PTPRU: variants seen among roughly 807,000 people sequenced by gnomAD.
The protein encoded by PTPRU is receptor-type tyrosine-protein phosphatase U.
A neutral mutation model predicts 166.3 loss-of-function variants in PTPRU; 69 were observed. That is an observed-to-expected ratio of 0.41 (90% CI 0.34 to 0.51). PTPRU has a LOEUF of 0.51. PTPRU is among the 20% of genes least tolerant of loss of function. PTPRU has a pLI of 0.09. For synonymous variants in PTPRU, 793 were observed against 814.0 expected (o/e 0.97, Z 0.44); for missense variants, 1,657 against 2,013.7 (o/e 0.82, Z 3.39).
intron 1 of PTPRU, among the ~76,000 whole-genome samples, chr1:29,249,414 G>C (rs922770965): frequency 6.6e-6 from 1 of 152,230 alleles, no homozygotes; most frequent in African/African-American, 2.4e-5. Flanking sequence ...AATGTAGCTG[G>C]GCCAGTTTGA....
chr1:29,262,508 T>C (rs922107601), intron 7 of PTPRU, among the ~76,000 whole-genome samples: 1 of 152,234 alleles, frequency 6.6e-6, no homozygotes, highest in Non-Finnish European at 1.5e-5. Context: ...TGTATAACTT[T>C]TATTATAGTG....
intron 15 of PTPRU, among the ~76,000 whole-genome samples, chr1:29,296,248 T>C (rs1362741290): frequency 6.6e-6 from 1 of 152,232 alleles, no homozygotes; most frequent in Non-Finnish European, 1.5e-5. Context: ...AAACACAGAA[T>C]GAAGATTGCT....
Position 29,260,864 on chromosome 1 carries a change from C to T in PTPRU, c.1105C>T (p.Arg369Cys), listed in dbSNP as rs1262946601. Residue 369 changes from arginine (R) to cysteine (C), a missense_variant, in exon 7 of 30, where the codon CGC becomes TGC. Physicochemically the swap from Arg to Cys is radical, Grantham distance 180 (BLOSUM62 -3). Coordinates refer to ENST00000373779, the MANE Select transcript of PTPRU (RefSeq NM_133178.4). The surrounding 1 kb of genome is among the most constrained non-coding windows in gnomAD (Gnocchi z 8.3). ...GCGTCCCGGAGACGGCGGCACTGGCCGCCCTGGGCCACCCCTCATCAGCCG... is the reference window on the plus strand; with the variant it reads ...GCGTCCCGGAGACGGCGGCACTGGCTGCCCTGGGCCACCCCTCATCAGCCG... ...LTRPGDGGTG[R>C]PGPPLISRTK... 3.1e-6 allele frequency: 5 copies of T among 1,598,566 alleles called. No individual in the cohort carries two copies. Among genetic ancestry groups the T allele is most frequent in the African/African-American group, 2.7e-5 (2 of 74,444 alleles).
rs1262311571 is a variant in PTPRU, at chr1:29,255,374, C to G, written c.173C>G (p.Pro58Arg). 6.2e-7 allele frequency: 1 copy of G among 1,614,174 alleles called. No individual in the cohort carries two copies. The highest frequency in any genetic ancestry group is 2.2e-5 in the East Asian group (1 of 44,892). ...DFQWEQVRIHPGTRAPADLPH... is the reference protein window; with the variant it reads ...DFQWEQVRIHRGTRAPADLPH... Reference sequence around the variant, plus strand: ...CAGTGGGAGCAAGTGCGAATCCACCCTGGCACCCGGGCACCTGCGGACCTG... The same window carrying G: ...CAGTGGGAGCAAGTGCGAATCCACCGTGGCACCCGGGCACCTGCGGACCTG... Residue 58 changes from proline (P) to arginine (R), a missense_variant, in exon 2 of 30, where the codon CCT becomes CGT. Pro to Arg is a moderately radical substitution (Grantham distance 103). Transcript: ENST00000373779.
At chr1:29,310,239 G>GC (rs1232577367) in intron 18 of PTPRU, among the ~76,000 whole-genome samples, 1 of 152,082 alleles carries the variant, frequency 6.6e-6, no homozygotes, top group Non-Finnish European at 1.5e-5. Context: ...CCTCATCTAG[G>GC]CCCCCCACGC....
intron 18 of PTPRU, among the ~76,000 whole-genome samples, chr1:29,310,029 G>C (rs979137093): frequency 6.6e-6 from 1 of 152,198 alleles, no homozygotes; most frequent in Non-Finnish European, 1.5e-5. Flanking sequence ...TCGGAGGGCA[G>C]GTTTCTCTCC....
chr1:29,255,472 G>A (rs1684739292), intron 2 of PTPRU, 66 bp downstream of exon 2: 11 of 1,593,328 alleles, frequency 6.9e-6, no homozygotes, highest in African/African-American at 2.7e-5. Context: ...CCCACCTGCT[G>A]TGTGACCTTG....
chr1:29,269,401 A>T (rs1359181377), intron 7 of PTPRU, among the ~76,000 whole-genome samples: 2 of 151,020 alleles, frequency 1.3e-5, no homozygotes, highest in Non-Finnish European at 3.0e-5. Flanking sequence ...AGCCTAATCC[A>T]GTGTTTTTAA....
intron 24 of PTPRU, 132 bp downstream of exon 24, chr1:29,316,283 A>T: frequency 8.9e-7 from 1 of 1,129,188 alleles, no homozygotes; most frequent in East Asian, 2.6e-5. Context: ...GGAGGGACAG[A>T]GCTGAGCTAC....
At chr1:29,324,727 T>G (rs1320229447) in intron 28 of PTPRU, among the ~76,000 whole-genome samples, 1 of 152,214 alleles carries the variant, frequency 6.6e-6, no homozygotes, top group Non-Finnish European at 1.5e-5. Flanking sequence ...TCTTCTGAGA[T>G]GTCTTAGCCT....
At chr1:29,245,088 C>A (rs1449994308) in intron 1 of PTPRU, among the ~76,000 whole-genome samples, 1 of 152,202 alleles carries the variant, frequency 6.6e-6, no homozygotes, top group East Asian at 1.9e-4. Context: ...ATAGGTCTTT[C>A]TCTCTATCTC....
chr1:29,241,528 A>AG (rs931871208), intron 1 of PTPRU, among the ~76,000 whole-genome samples: 2 of 150,836 alleles, frequency 1.3e-5, no homozygotes, highest in African/African-American at 4.9e-5. Flanking sequence ...TCATTGAAGT[A>AG]TCCAGTTGTT....
intron 14 of PTPRU, among the ~76,000 whole-genome samples, chr1:29,288,019 T>C (rs1686440558): frequency 6.6e-6 from 1 of 152,166 alleles, no homozygotes; most frequent in Admixed American, 6.5e-5. Flanking sequence ...ATCATCATGT[T>C]GGCCAGGCTG....
chr1:29,269,983 G>A (rs1685492365), intron 7 of PTPRU, among the ~76,000 whole-genome samples: 1 of 152,064 alleles, frequency 6.6e-6, no homozygotes, highest in Admixed American at 6.6e-5. Context: ...TTTGCCTCCA[G>A]ACTTCTATAA....
chr1:29,315,864 C>A lies in PTPRU; in HGVS notation c.3364-138C>A. 1 of 1,096,550 alleles carries A rather than the reference C, an allele frequency of 9.1e-7. No individual in the cohort carries two copies. The highest frequency in any genetic ancestry group is 1.3e-6 in the Non-Finnish European group (1 of 776,814). 67.9% of individuals were successfully genotyped at this position (1,096,550 alleles called of 1,614,324 possible). A position where few individuals can be genotyped will look rare whatever the true frequency, so the allele number is the denominator to read the frequency against. ...GTCCATGGAGGTTGTTTCAGGTAGGCTTGGTCCAGCCTGTAGTAACATGGT... is the reference window on the plus strand; with the variant it reads ...GTCCATGGAGGTTGTTTCAGGTAGGATTGGTCCAGCCTGTAGTAACATGGT... On this transcript the variant is annotated intron_variant, in intron 23 of 29. Transcript: ENST00000373779. The surrounding 1 kb of genome is among the most constrained non-coding windows in gnomAD (Gnocchi z 4.5).
intron 15 of PTPRU, among the ~76,000 whole-genome samples, chr1:29,299,401 C>T (rs1011901580): frequency 6.6e-6 from 1 of 152,188 alleles, no homozygotes; most frequent in Non-Finnish European, 1.5e-5. Context: ...TCAAGTCCCA[C>T]AGGGGAACTC....
chr1:29,262,354 A>G (rs1362769787), intron 7 of PTPRU, among the ~76,000 whole-genome samples: 6 of 152,204 alleles, frequency 3.9e-5, no homozygotes, highest in Admixed American at 3.9e-4. Context: ...TAAAATGTAC[A>G]GTTCAGTGGT....
At chr1:29,293,766 G>A (rs1279732666) in intron 15 of PTPRU, among the ~76,000 whole-genome samples, 1 of 152,264 alleles carries the variant, frequency 6.6e-6, no homozygotes, top group Admixed American at 6.5e-5. Flanking sequence ...GAGCCACTGC[G>A]CCCGGACTTT....
intron 5 of PTPRU, 55 bp from the exon 6 acceptor site, chr1:29,259,815 G>T: frequency 6.8e-7 from 1 of 1,479,174 alleles, no homozygotes; most frequent in South Asian, 1.3e-5. Flanking sequence ...GTCAGAGCGA[G>T]ATCGGGACCC....
Sources: gnomAD v4.1 joint callset for allele counts (sites outside exome capture counted in the v4.1 genomes callset) on GRCh38, gnomAD v4.1.1 for gene constraint, Gnocchi (gnomAD v3.1) non-coding constraint, MANE v1.5 for transcripts, NCBI Gene and HGNC (gene_info 2026-07-23, HGNC 2026-07-21) for gene names.